Variants in PTPRD observed in about 807,000 individuals in gnomAD.
PTPRD encodes the protein protein tyrosine phosphatase receptor type D.
A neutral mutation model predicts 214.5 loss-of-function variants in PTPRD; 34 were observed. The observed-to-expected ratio is 0.16, with a 90% CI of 0.12 to 0.21. PTPRD has a LOEUF of 0.21. PTPRD is among the 10% of genes least tolerant of loss of function. The pLI, the probability that PTPRD is intolerant of heterozygous loss-of-function variation, is 1.00. For synonymous variants in PTPRD, 1,128 were observed against 845.7 expected, an observed-to-expected ratio of 1.33 and a Z score of -5.79; for missense variants, 2,545 against 2,398.7, an observed-to-expected ratio of 1.06 and a Z score of -1.27.
chr9:9,430,724 A>C (rs143622633), intron 8 of PTPRD, among the ~76,000 whole-genome samples: 2,685 of 152,274 alleles, frequency 0.018, 79 homozygotes, highest in African/African-American at 0.061. Flanking sequence ...AATGGAACAG[A>C]ACAGGGCCCT....
At chr9:9,930,657 G>C (rs1404987066) in intron 5 of PTPRD, among the ~76,000 whole-genome samples, 8 of 152,038 alleles carry the variant, frequency 5.3e-5, no homozygotes, top group Non-Finnish European at 1.2e-4. Flanking sequence ...TATGATGAAA[G>C]ATAGCATTGA....
At chr9:9,538,642 G>T (rs924906473) in intron 8 of PTPRD, among the ~76,000 whole-genome samples, 1 of 151,924 alleles carries the variant, frequency 6.6e-6, no homozygotes, top group Non-Finnish European at 1.5e-5. Context: ...AGAATGCATA[G>T]TGATGTATGA....
At chr9:8,895,266 T>C (rs564961923) in intron 11 of PTPRD, among the ~76,000 whole-genome samples, 8 of 152,320 alleles carry the variant, frequency 5.3e-5, no homozygotes, top group East Asian at 3.9e-4. Context: ...TTTTATAAGA[T>C]ACACCAGGAT....
chr9:9,882,148 A>T (rs1304200096), intron 5 of PTPRD, among the ~76,000 whole-genome samples: 2 of 152,162 alleles, frequency 1.3e-5, no homozygotes, highest in African/African-American at 4.8e-5. Flanking sequence ...TTGGTATAAC[A>T]CATATATCAA....
intron 3 of PTPRD, among the ~76,000 whole-genome samples, chr9:10,327,166 T>A (rs988496884): frequency 4.6e-5 from 4 of 87,786 alleles, no homozygotes; most frequent in Non-Finnish European, 8.7e-5. Context: ...CACATATATG[T>A]GTGTGTATAT....
At chr9:9,485,528 C>T (rs1325694888) in intron 8 of PTPRD, among the ~76,000 whole-genome samples, 4 of 152,128 alleles carry the variant, frequency 2.6e-5, no homozygotes, top group Non-Finnish European at 4.4e-5. Context: ...ATAATATTCA[C>T]TGCATTTTTT....
At chr9:8,507,750 T>C (rs984748472) in intron 21 of PTPRD, among the ~76,000 whole-genome samples, 1 of 152,300 alleles carries the variant, frequency 6.6e-6, no homozygotes, top group South Asian at 2.1e-4. Flanking sequence ...TAATAAATAA[T>C]ATAATTTACA....
chr9:10,553,900 A>G (rs1194461841), intron 2 of PTPRD, among the ~76,000 whole-genome samples: 2 of 152,250 alleles, frequency 1.3e-5, no homozygotes, highest in African/African-American at 4.8e-5. Context: ...GAGTTAAAGT[A>G]TGCTAAAAAT....
chr9:9,739,500 C>T (rs1376859055), intron 6 of PTPRD, among the ~76,000 whole-genome samples: 1 of 151,920 alleles, frequency 6.6e-6, no homozygotes, highest in Non-Finnish European at 1.5e-5. Flanking sequence ...AAAGTAATTT[C>T]TAACATCCTC....
intron 7 of PTPRD, among the ~76,000 whole-genome samples, chr9:9,578,698 C>A (rs1050886786): frequency 6.6e-6 from 1 of 151,980 alleles, no homozygotes; most frequent in African/African-American, 2.4e-5. Flanking sequence ...AGTTGATGCT[C>A]AGAAAAGTTT....
intron 4 of PTPRD, among the ~76,000 whole-genome samples, chr9:9,998,123 A>ATATATATATAT (rs1555449048): frequency 2.1e-5 from 1 of 47,752 alleles, no homozygotes; most frequent in African/African-American, 1.0e-4. Flanking sequence ...AATAAAAAAA[A>ATATATATATAT]AAAAAAATAT....
At chr9:8,449,047 AT>A (rs1173194927) in intron 34 of PTPRD, among the ~76,000 whole-genome samples, 2 of 152,216 alleles carry the variant, frequency 1.3e-5, no homozygotes, top group African/African-American at 4.8e-5. Context: ...AGATCTAGGC[AT>A]GAATAAACAA....
At chr9:9,697,929 A>G (rs1393560774) in intron 7 of PTPRD, among the ~76,000 whole-genome samples, 3 of 152,108 alleles carry the variant, frequency 2.0e-5, no homozygotes, top group South Asian at 4.1e-4. Context: ...CCATTCTGCT[A>G]TTGAGAGACT....
At position 9,591,313 on chromosome 9, in the gene PTPRD, C is replaced by T. The variant is rs1251966516; in HGVS notation, c.-286-16532G>A. ...GGGGACCAAAGACCATACCAGATGA[C>T]AGCCAGCAAGGAAATGAAGAAAATG... is the stretch of plus-strand genomic sequence containing the variant. On this transcript the variant is annotated intron_variant, in intron 7 of 45. Coordinates refer to ENST00000381196, the MANE Select transcript of PTPRD (RefSeq NM_002839.4). 2.0e-5 allele frequency among the ~76,000 whole-genome samples: 3 copies of T among 151,990 alleles called. No homozygotes were observed. In the East Asian group the frequency reaches 5.8e-4, roughly 30 times the overall value.
chr9:9,076,792 C>T (rs1237276156), intron 10 of PTPRD, among the ~76,000 whole-genome samples: 6 of 143,936 alleles, frequency 4.2e-5, no homozygotes, highest in Non-Finnish European at 6.1e-5. Flanking sequence ...TGATAATTTC[C>T]TTTTTTTTTT....
intron 5 of PTPRD, among the ~76,000 whole-genome samples, chr9:9,773,523 A>G (rs2098770690): frequency 6.6e-6 from 1 of 152,216 alleles, no homozygotes; most frequent in South Asian, 2.1e-4. Flanking sequence ...GGTATTATAG[A>G]ATATCTCATG....
chr9:8,619,438 C>T lies in PTPRD; in HGVS notation c.352+13879G>A, dbSNP rs930588891. ...TTTAGATTCCACAAATCAGTGAGAT[C>T]CCATAGCATTTGTCTTTCTGTGAAT... is the stretch of plus-strand genomic sequence containing the variant. On this transcript the variant is annotated intron_variant, in intron 14 of 45. Coordinates refer to ENST00000381196, the MANE Select transcript of PTPRD (RefSeq NM_002839.4). Among the ~76,000 whole-genome samples, 12 of 151,720 alleles carry T rather than the reference C, an allele frequency of 7.9e-5. No homozygotes were observed. In the East Asian group the frequency reaches 2.3e-3, roughly 30 times the overall value.
chr9:9,795,846 G>C (rs73641352), intron 5 of PTPRD, among the ~76,000 whole-genome samples: 10,832 of 151,872 alleles, frequency 0.071, 530 homozygotes, highest in African/African-American at 0.14. Context: ...TAAACAGTAG[G>C]TAAAATTGCC....
intron 7 of PTPRD, among the ~76,000 whole-genome samples, chr9:9,605,132 G>A (rs913540708): frequency 2.0e-5 from 3 of 151,948 alleles, no homozygotes; most frequent in African/African-American, 2.4e-5. Flanking sequence ...TTCACATAAC[G>A]TATACACTGG....
Sources: gnomAD v4.1 joint callset for allele counts (sites outside exome capture counted in the v4.1 genomes callset) on GRCh38, gnomAD v4.1.1 for gene constraint, MANE v1.5 for transcripts, NCBI Gene and HGNC (gene_info 2026-07-23, HGNC 2026-07-21) for gene names.